The following TRRAP variants were observed in gnomAD, a reference collection of about 807,000 sequenced individuals.
TRRAP encodes transformation/transcription domain associated protein.
A neutral mutation model predicts 438.8 loss-of-function variants in TRRAP; 41 were observed. The observed-to-expected ratio is 0.09, with a 90% CI of 0.07 to 0.12. TRRAP has a LOEUF of 0.12. Ranked by LOEUF, TRRAP falls within the 10% of genes least tolerant of loss-of-function variation. The pLI is 1.00. For synonymous variants in TRRAP, 1,994 were observed against 1,962.9 expected (o/e 1.02, Z -0.42); for missense variants, 3,122 against 5,055.1 (o/e 0.62, Z 11.60).
chr7:98,921,881 C>T lies in TRRAP; in HGVS notation c.2751C>T (p.Thr917=), dbSNP rs782635754. 4 of 1,614,064 alleles carry T rather than the reference C, an allele frequency of 2.5e-6. No homozygotes were observed. Among genetic ancestry groups the T allele is most frequent in the East Asian group, 2.2e-5 (1 of 44,898 alleles). The change falls in exon 21 of 73, where the codon ACC becomes ACT. Residue 917 remains threonine, a synonymous_variant. Transcript: ENST00000456197. ...CGCAGAAGCTGCACTACGTTGTGAC[C>T]GAGGTTCAGGGCCCCAGCATCACTG... The part of the protein sequence containing the change: ...KESQKLHYVV[T]EVQGPSITVE...
chr7:98,961,041 A>G (rs1362288282), intron 45 of TRRAP, among the ~76,000 whole-genome samples: 1 of 152,202 alleles, frequency 6.6e-6, no homozygotes, highest in Non-Finnish European at 1.5e-5. Flanking sequence ...GAATATTAAT[A>G]TTTTAGTAAG....
chr7:98,979,312 A>C (rs1339190691), intron 58 of TRRAP, among the ~76,000 whole-genome samples: 1 of 152,170 alleles, frequency 6.6e-6, no homozygotes, highest in African/African-American at 2.4e-5. Context: ...CAAGTCCCTG[A>C]TATAAAACGG....
intron 51 of TRRAP, among the ~76,000 whole-genome samples, chr7:98,969,356 C>T (rs1011036655): frequency 1.3e-5 from 2 of 152,172 alleles, no homozygotes; most frequent in Non-Finnish European, 2.9e-5. Flanking sequence ...CTTGATCTTG[C>T]CTCACTCTTG....
intron 51 of TRRAP, among the ~76,000 whole-genome samples, chr7:98,969,097 G>A (rs1422698767): frequency 3.3e-5 from 5 of 152,346 alleles, no homozygotes; most frequent in Non-Finnish European, 4.4e-5. Flanking sequence ...TCATTAGGAC[G>A]ATGGAACCAT....
chr7:99,004,524 T>A, intron 68 of TRRAP, 109 bp downstream of exon 68: 1 of 913,690 alleles, frequency 1.1e-6, no homozygotes, highest in Non-Finnish European at 1.7e-6. Context: ...ACAGATTCCC[T>A]GACATGGGAG....
intron 20 of TRRAP, among the ~76,000 whole-genome samples, chr7:98,921,418 C>G (rs950585572): frequency 6.6e-6 from 1 of 152,054 alleles, no homozygotes; most frequent in Non-Finnish European, 1.5e-5. Context: ...CCTTGTCACC[C>G]GGGCTGGAGT....
chr7:98,969,560 G>T (rs1275498114), intron 51 of TRRAP, among the ~76,000 whole-genome samples: 1 of 152,236 alleles, frequency 6.6e-6, no homozygotes, highest in African/African-American at 2.4e-5. Flanking sequence ...GGTGCTCAGG[G>T]AATATTCGCC....
At chr7:98,946,583 C>A (rs116049378) in intron 33 of TRRAP, among the ~76,000 whole-genome samples, 75 of 149,944 alleles carry the variant, frequency 5.0e-4, no homozygotes, top group African/African-American at 1.8e-3. Flanking sequence ...CGCGCACACA[C>A]CACATATGCA....
intron 69 of TRRAP, among the ~76,000 whole-genome samples, chr7:99,007,839 T>C (rs1028279732): frequency 2.6e-5 from 4 of 151,198 alleles, no homozygotes; most frequent in African/African-American, 9.7e-5. Context: ...TTTTTTTTTT[T>C]TCTTTGAGAT....
chr7:98,950,837 CT>C (rs782713305), intron 38 of TRRAP, 38 bp from the exon 39 acceptor site: 6 of 1,488,476 alleles, frequency 4.0e-6, no homozygotes, highest in African/African-American at 1.4e-5. Flanking sequence ...AACAGCATGG[CT>C]TTGTTTTTCT....
chr7:99,008,974 G>A (rs1269184898), intron 70 of TRRAP, among the ~76,000 whole-genome samples: 1 of 152,194 alleles, frequency 6.6e-6, no homozygotes, highest in Non-Finnish European at 1.5e-5. Context: ...TGCTGCTGGA[G>A]GTGTTAGGCG....
intron 50 of TRRAP, 76 bp downstream of exon 50, chr7:98,967,238 T>G: frequency 6.5e-7 from 1 of 1,534,862 alleles, no homozygotes; most frequent in South Asian, 1.2e-5. Flanking sequence ...CATGCAGCCA[T>G]GATTTTAATC....
chr7:98,893,224 ACAGGCGTGAGC>A (rs1208623062), intron 5 of TRRAP, among the ~76,000 whole-genome samples: 2 of 152,198 alleles, frequency 1.3e-5, no homozygotes, highest in African/African-American at 4.8e-5. Context: ...TGCTCGGATT[ACAGGCGTGAGC>A]CACCTCGCCC....
chr7:98,911,890 T>G, intron 17 of TRRAP, 132 bp from the exon 18 acceptor site: 1 of 766,472 alleles, frequency 1.3e-6, no homozygotes, highest in Non-Finnish European at 2.1e-6. Context: ...TTTTTTTCCT[T>G]TGGTGGATAA....
At chr7:98,987,859 AT>A (rs1793220310) in intron 62 of TRRAP, among the ~76,000 whole-genome samples, 1 of 151,950 alleles carries the variant, frequency 6.6e-6, no homozygotes, top group Non-Finnish European at 1.5e-5. Flanking sequence ...TCTGTTCTAA[AT>A]TTGCTGGGTA....
intron 9 of TRRAP, 57 bp from the exon 10 acceptor site, chr7:98,899,622 G>C (rs1562931417): frequency 1.9e-6 from 3 of 1,608,552 alleles, no homozygotes; most frequent in African/African-American, 2.7e-5. Flanking sequence ...CGGTATGCCA[G>C]ATTTTGTCGC....
At chr7:98,960,063 C>G (rs1242929911) in intron 45 of TRRAP, among the ~76,000 whole-genome samples, 1 of 152,028 alleles carries the variant, frequency 6.6e-6, no homozygotes, top group Non-Finnish European at 1.5e-5. Flanking sequence ...ATTTTGTGGA[C>G]TCGTTTCTAA....
rs2116810609 is a variant in TRRAP at position 98,993,628 on chromosome 7, G to A, written c.9938G>A (p.Arg3313His). 3 of 1,614,198 alleles carry A rather than the reference G, an allele frequency of 1.9e-6. No homozygotes were observed. The highest frequency in any genetic ancestry group is 1.7e-6 in the Non-Finnish European group (2 of 1,180,042). ...ATAAGAGCAACAGCACCCATGTGGC[G>A]CTGCAGCCGAATCATGCACATGCAG... Reference protein sequence around the residue: ...GPIRATAPMWRCSRIMHMQRE... With the variant: ...GPIRATAPMWHCSRIMHMQRE... The change falls in exon 66 of 73, where the codon CGC becomes CAC. Residue 3313 changes from arginine (R) to histidine (H), a missense_variant. Arg to His is a conservative substitution (Grantham distance 29). Around this residue, in one of 24 missense-constraint regions of TRRAP, gnomAD observed 107 missense variants for 327.5 expected, o/e 0.33. Transcript: ENST00000456197.
chr7:98,901,556 T>TA (rs2116355686), intron 11 of TRRAP, among the ~76,000 whole-genome samples: 1 of 152,354 alleles, frequency 6.6e-6, no homozygotes, highest in East Asian at 1.9e-4. Context: ...ATTATTTACT[T>TA]ACTATTTTTT....
Sources: allele counts gnomAD v4.1 joint callset (sites outside exome capture counted in the v4.1 genomes callset), GRCh38; gene constraint gnomAD v4.1.1; regional missense constraint gnomAD v4.1.1; transcripts MANE v1.5; gene names NCBI Gene and HGNC (gene_info 2026-07-23, HGNC 2026-07-21).